Variants in RPH3A observed in about 807,000 individuals in gnomAD.
RPH3A encodes rabphilin-3A.
Under a neutral mutation model 102.2 loss-of-function variants are expected in RPH3A, and 48 were observed. The observed-to-expected ratio is 0.47, with a 90% CI of 0.37 to 0.60. RPH3A has a LOEUF of 0.60. RPH3A is among the 20% of genes least tolerant of loss of function. The pLI is 0.00. For synonymous variants in RPH3A, 310 were observed against 324.3 expected, an observed-to-expected ratio of 0.96 and a Z score of 0.47; for missense variants, 781 against 910.1, an observed-to-expected ratio of 0.86 and a Z score of 1.83.
intron 1 of RPH3A, among the ~76,000 whole-genome samples, chr12:112,762,128 A>G (rs1228210472): frequency 6.6e-6 from 1 of 152,222 alleles, no homozygotes; most frequent in African/African-American, 2.4e-5. Context: ...AGTATTCACT[A>G]TATTACATTA....
At chr12:112,595,655 A>C (rs2039511336) in intron 1 of RPH3A, among the ~76,000 whole-genome samples, 1 of 151,470 alleles carries the variant, frequency 6.6e-6, no homozygotes, top group South Asian at 2.1e-4. Context: ...AGCCATTGCC[A>C]CTCCCTTTGC....
At chr12:112,590,974 GT>G (rs1439373367) in intron 1 of RPH3A, among the ~76,000 whole-genome samples, 10 of 151,458 alleles carry the variant, frequency 6.6e-5, no homozygotes, top group African/African-American at 2.4e-4. Flanking sequence ...TTAAAAAAGT[GT>G]TTTTTAGCTT....
chr12:112,692,241 A>C (rs2040311848), intron 1 of RPH3A, among the ~76,000 whole-genome samples: 1 of 152,220 alleles, frequency 6.6e-6, no homozygotes, highest in Non-Finnish European at 1.5e-5. Context: ...TAGGAGGAAT[A>C]ATTTTTAGTG....
chr12:112,669,887 T>C (rs2040114840), intron 1 of RPH3A, among the ~76,000 whole-genome samples: 1 of 152,212 alleles, frequency 6.6e-6, no homozygotes, highest in Non-Finnish European at 1.5e-5. Flanking sequence ...ACAACAGCAA[T>C]TGATACTTCC....
At chr12:112,851,063 A>G (rs1593081451) in intron 5 of RPH3A, 1 of 152,194 alleles carries the variant, frequency 6.6e-6, no homozygotes, top group African/African-American at 2.4e-5. Context: ...TCTGAGTGAA[A>G]GCTATCTGGG....
chr12:112,810,948 A>AT (rs1432289035), intron 2 of RPH3A, among the ~76,000 whole-genome samples: 2 of 145,118 alleles, frequency 1.4e-5, no homozygotes, highest in Admixed American at 6.9e-5. Flanking sequence ...TATAATACAT[A>AT]TTTTTTGTGT....
intron 1 of RPH3A, among the ~76,000 whole-genome samples, chr12:112,749,918 C>T (rs1465294704): frequency 6.6e-6 from 1 of 152,114 alleles, no homozygotes; most frequent in Non-Finnish European, 1.5e-5. Context: ...AGGAACCTCA[C>T]CAAGGAGTCC....
intron 2 of RPH3A, among the ~76,000 whole-genome samples, chr12:112,816,693 A>ATATTATTAT (rs10626494): frequency 6.6e-6 from 1 of 151,684 alleles, no homozygotes; most frequent in African/African-American, 2.4e-5. Context: ...CTTGAGAATT[A>ATATTATTAT]TATTATTATT....
intron 1 of RPH3A, among the ~76,000 whole-genome samples, chr12:112,736,606 A>G (rs1029649628): frequency 2.0e-5 from 3 of 152,224 alleles, no homozygotes; most frequent in Admixed American, 6.5e-5. Context: ...TTGGGATAAG[A>G]ACAGTGACCA....
At chr12:112,605,512 GT>G (rs1176869639) in intron 1 of RPH3A, among the ~76,000 whole-genome samples, 1 of 152,216 alleles carries the variant, frequency 6.6e-6, no homozygotes, top group Non-Finnish European at 1.5e-5. Context: ...CAACTTATGG[GT>G]GGTGGAGGTT....
intron 1 of RPH3A, among the ~76,000 whole-genome samples, chr12:112,620,088 A>C (rs2039711679): frequency 6.6e-6 from 1 of 152,184 alleles, no homozygotes; most frequent in African/African-American, 2.4e-5. Flanking sequence ...TTTACAGAAT[A>C]AGCTGCCCCT....
At chr12:112,752,813 T>G (rs927206723) in intron 1 of RPH3A, among the ~76,000 whole-genome samples, 2 of 152,038 alleles carry the variant, frequency 1.3e-5, no homozygotes, top group Admixed American at 1.3e-4. Context: ...TAGACTTCCT[T>G]GCGACTTGCT....
intron 2 of RPH3A, among the ~76,000 whole-genome samples, chr12:112,825,732 G>A (rs1014744452): frequency 6.6e-6 from 1 of 152,042 alleles, no homozygotes; most frequent in African/African-American, 2.4e-5. Flanking sequence ...AACGGAAAAA[G>A]TTCCGCACGG....
At chr12:112,821,464 A>C (rs2041778436) in intron 2 of RPH3A, among the ~76,000 whole-genome samples, 2 of 143,558 alleles carry the variant, frequency 1.4e-5, no homozygotes, top group African/African-American at 2.6e-5. Flanking sequence ...TACTCCAACC[A>C]CTCTGTCTTC....
chr12:112,660,097 T>C (rs990670740), intron 1 of RPH3A, among the ~76,000 whole-genome samples: 3 of 152,200 alleles, frequency 2.0e-5, no homozygotes, highest in South Asian at 2.1e-4. Context: ...CATACATATG[T>C]AAATATATAC....
At position 112,773,369 on chromosome 12, in the gene RPH3A, T is replaced by A. The variant is rs961671792; in HGVS notation, c.-139-18774T>A. Among the ~76,000 whole-genome samples the A allele has an allele frequency of 2.6e-5, 4 of 152,102 alleles. No homozygotes were observed. In the East Asian group the frequency reaches 5.8e-4, roughly 22 times the overall value. Reference sequence around the variant, plus strand: ...TCCTTGGTGCAGAAAAGATCCCCCCTCCTTTTCCATTACAGGGCCTGACCC... The same window carrying A: ...TCCTTGGTGCAGAAAAGATCCCCCCACCTTTTCCATTACAGGGCCTGACCC... On this transcript the variant is annotated intron_variant, in intron 1 of 21. Coordinates refer to the RPH3A transcript ENST00000543106.
intron 1 of RPH3A, among the ~76,000 whole-genome samples, chr12:112,727,483 AC>A (rs2040601371): frequency 1.3e-5 from 1 of 79,972 alleles, no homozygotes; most frequent in African/African-American, 5.3e-5. Context: ...ACACACACAC[AC>A]ACACACAGAC....
intron 1 of RPH3A, among the ~76,000 whole-genome samples, chr12:112,606,070 G>A (rs1007776692): frequency 5.9e-5 from 9 of 152,148 alleles, no homozygotes; most frequent in Admixed American, 5.9e-4. Context: ...ACTTATCTAT[G>A]TATCTTTCTT....
At chr12:112,772,955 G>A (rs1380428800) in intron 1 of RPH3A, among the ~76,000 whole-genome samples, 1 of 152,032 alleles carries the variant, frequency 6.6e-6, no homozygotes, top group Admixed American at 6.6e-5. Context: ...TCAGAGCTTA[G>A]CTCCCACATA....
Sources: allele counts gnomAD v4.1 joint callset (sites outside exome capture counted in the v4.1 genomes callset), GRCh38; gene constraint gnomAD v4.1.1; transcripts MANE v1.5; gene names NCBI Gene and HGNC (gene_info 2026-07-23, HGNC 2026-07-21).